The following ZNF805 variants were observed in gnomAD, a reference collection of about 807,000 sequenced individuals.
ZNF805 encodes the protein zinc finger protein 805.
A neutral mutation model predicts 13.6 loss-of-function variants in ZNF805; 7 were observed. The observed-to-expected ratio is 0.51, with a 90% CI of 0.29 to 0.97. The LOEUF (loss-of-function observed/expected upper bound fraction) is 0.97, where lower values mean the gene tolerates loss of function less well. Among genes scored for constraint, ZNF805 ranks in the 50% least tolerant of loss-of-function variants. The pLI is 0.08. For missense variants in ZNF805, 604 were observed against 771.0 expected, an observed-to-expected ratio of 0.78 and a Z score of 2.57; for synonymous variants, 293 against 279.8, an observed-to-expected ratio of 1.05 and a Z score of -0.47.
intron 3 of ZNF805, among the ~76,000 whole-genome samples, chr19:57,249,219 A>C (rs1041283190): frequency 3.9e-5 from 6 of 152,074 alleles, no homozygotes; most frequent in African/African-American, 1.4e-4. Flanking sequence ...AAGGAAAGTC[A>C]TACCCACTTC....
intron 2 of ZNF805, among the ~76,000 whole-genome samples, chr19:57,245,527 C>T (rs941094550): frequency 6.6e-6 from 1 of 151,888 alleles, no homozygotes; most frequent in Non-Finnish European, 1.5e-5. Flanking sequence ...TGCCTGTAAT[C>T]CCAGCACTTT....
At chr19:57,251,630 TTA>T (rs2122839684) in intron 3 of ZNF805, among the ~76,000 whole-genome samples, 1 of 112,962 alleles carries the variant, frequency 8.9e-6, no homozygotes, top group East Asian at 2.0e-4. Flanking sequence ...GTAGTCTGAT[TTA>T]TGTTTTTTTT....
rs2087681789 is a variant in ZNF805, at chr19:57,255,386, T to C, written c.*683T>C. On this transcript the variant is annotated 3_prime_UTR_variant, in exon 4 of 4. Coordinates refer to ENST00000414468, the MANE Select transcript of ZNF805 (RefSeq NM_001023563.4). Reference sequence around the variant, plus strand: ...ATACACTTTAGGATTGGTTTTTCTGTTTTTCAAATATTCTTGCTTGGATTT... The same window carrying C: ...ATACACTTTAGGATTGGTTTTTCTGCTTTTCAAATATTCTTGCTTGGATTT... Among the ~76,000 whole-genome samples the C allele has an allele frequency of 6.6e-6, 1 of 152,160 alleles. No homozygotes were observed. Among genetic ancestry groups the C allele is most frequent in the African/African-American group, 2.4e-5 (1 of 41,458 alleles).
intron 3 of ZNF805, among the ~76,000 whole-genome samples, chr19:57,250,834 G>A (rs1369421877): frequency 1.3e-5 from 2 of 152,200 alleles, no homozygotes; most frequent in Non-Finnish European, 2.9e-5. Context: ...CCTGGTGGAA[G>A]AGGTCTTACC....
intron 3 of ZNF805, among the ~76,000 whole-genome samples, 188 bp from the exon 4 acceptor site, chr19:57,252,885 C>T (rs1340787504): frequency 1.3e-5 from 2 of 152,168 alleles, no homozygotes; most frequent in African/African-American, 4.8e-5. Flanking sequence ...TGCCTGGTCT[C>T]CCTTTCAAGG....
In ZNF805 at chr19:57,254,641, G is replaced by A. The variant is rs762529778; in HGVS notation, c.1822G>A (p.Ala608Thr). 1.2e-6 allele frequency: 2 copies of A among 1,614,096 alleles called. No homozygotes were observed. The highest frequency in any genetic ancestry group is 1.7e-6 in the Non-Finnish European group (2 of 1,179,980). Residue 608 changes from alanine to threonine, a missense_variant, in exon 4 of 4, where the codon GCA (alanine) becomes ACA (threonine). This residue lies in a region of ZNF805 where 49 missense variants were observed against 40.0 expected (regional missense o/e 1.23). Coordinates refer to ENST00000414468, the MANE Select transcript of ZNF805 (RefSeq NM_001023563.4). Reference sequence around the variant, plus strand: ...TGAGGAAAATCTTTTGCAAGAGGAAGCATCTTACATGGCATCTGATCGTAC... The same window carrying A: ...TGAGGAAAATCTTTTGCAAGAGGAAACATCTTACATGGCATCTGATCGTAC... Reference protein sequence around the residue: ...TTEENLLQEEASYMASDRTYQ... With the variant: ...TTEENLLQEETSYMASDRTYQ...
In ZNF805 at chr19:57,240,703, G is replaced by A; in HGVS notation, c.-189G>A. The A allele has an allele frequency of 1.9e-6, 1 of 523,540 alleles. No individual in the cohort carries two copies. Among genetic ancestry groups the A allele is most frequent in the Non-Finnish European group, 3.4e-6 (1 of 296,834 alleles). The allele number at this position is 523,540 out of a possible 1,614,324, so 32.4% of individuals were successfully genotyped here. The stretch of plus-strand genomic sequence containing the variant: ...GCCTCCCTGGCGGCGCTGGGGAAAT[G>A]AGCAGGTAGGAGGCCGACAGCGACC... On this transcript the variant is annotated 5_prime_UTR_variant, in exon 1 of 4. The change abolishes an upstream ATG in the 5' untranslated region. Coordinates refer to ENST00000414468, the MANE Select transcript of ZNF805 (RefSeq NM_001023563.4).
At chr19:57,246,729 T>C (rs148134940) in intron 2 of ZNF805, among the ~76,000 whole-genome samples, 1 of 146,820 alleles carries the variant, frequency 6.8e-6, no homozygotes, top group Non-Finnish European at 1.5e-5. Flanking sequence ...TGAGCTGAGA[T>C]CGCGCTACTG....
chr19:57,244,797 T>C (rs984432965), intron 2 of ZNF805, among the ~76,000 whole-genome samples: 6 of 152,212 alleles, frequency 3.9e-5, no homozygotes, highest in Admixed American at 3.9e-4. Flanking sequence ...CCCCAGGTTT[T>C]ACTGTTTGTG....
In ZNF805 at chr19:57,240,656, G is replaced by T. The variant is rs1337878957; in HGVS notation, c.-236G>T. The T allele has an allele frequency of 2.0e-6, 1 of 509,230 alleles. No individual in the cohort carries two copies. Among genetic ancestry groups the T allele is most frequent in the Non-Finnish European group, 3.5e-6 (1 of 285,968 alleles). The allele number at this position is 509,230 out of a possible 1,614,324, so 31.5% of individuals were successfully genotyped here. A position where few individuals can be genotyped will look rare whatever the true frequency, so the allele number is the denominator to read the frequency against. On this transcript the variant is annotated 5_prime_UTR_variant, in exon 1 of 4. Coordinates refer to ENST00000414468, the MANE Select transcript of ZNF805 (RefSeq NM_001023563.4). Reference sequence around the variant, plus strand: ...CGGTTCCGTCCACGCCGGCTCTAGGGAGGGGGCGGTGTTCCGTGGCCGCCT... The same window carrying T: ...CGGTTCCGTCCACGCCGGCTCTAGGTAGGGGGCGGTGTTCCGTGGCCGCCT...
chr19:57,242,700 C>G (rs2087587014), intron 1 of ZNF805, among the ~76,000 whole-genome samples: 1 of 152,304 alleles, frequency 6.6e-6, no homozygotes, highest in Non-Finnish European at 1.5e-5. Context: ...CCTCGTCAGG[C>G]ATTTGGTACT....
chr19:57,254,571 C>T lies in ZNF805; in HGVS notation c.1752C>T (p.Asn584=). The change falls in exon 4 of 4, where the codon AAC becomes AAT. Residue 584 remains asparagine (N), a synonymous_variant. Coordinates refer to ENST00000414468, the MANE Select transcript of ZNF805 (RefSeq NM_001023563.4). ...TTACAAGTGGGCAGACCTCAGTCAA[C>T]ATCCAAGAACTTTTATTGGGGAAAA... ...RPFTSGQTSV[N]IQELLLGKNF... is the part of the protein sequence containing the mutation. 1 of 1,614,176 alleles carries T rather than the reference C, an allele frequency of 6.2e-7. No individual in the cohort carries two copies. Among genetic ancestry groups the T allele is most frequent in the African/African-American group, 1.3e-5 (1 of 75,048 alleles).
At position 57,262,395 on chromosome 19, in the gene ZNF805, T is replaced by A. The variant is rs2087730360; in HGVS notation, c.*7692T>A. The A allele has an allele frequency of 6.1e-6, 1 of 165,082 alleles. No homozygotes were observed. The highest frequency in any genetic ancestry group is 6.6e-5 in the Admixed American group (1 of 15,088). The allele number at this position is 165,082 out of a possible 1,614,324, so 10.2% of individuals were successfully genotyped here. A position where few individuals can be genotyped will look rare whatever the true frequency, so the allele number is the denominator to read the frequency against. Reference sequence around the variant, plus strand: ...GTCACAGTGAAAATACTTAACAAACTAGCCAGGATTTAATTCAGTGATGAC... The same window carrying A: ...GTCACAGTGAAAATACTTAACAAACAAGCCAGGATTTAATTCAGTGATGAC... On this transcript the variant is annotated 3_prime_UTR_variant, in exon 4 of 4. Coordinates refer to ENST00000414468, the MANE Select transcript of ZNF805 (RefSeq NM_001023563.4).
In ZNF805 at chr19:57,259,402, A is replaced by C. The variant is rs1220971385; in HGVS notation, c.*4699A>C. Among the ~76,000 whole-genome samples the C allele has an allele frequency of 6.7e-6, 1 of 149,996 alleles. No homozygotes were observed. The highest frequency in any genetic ancestry group is 6.6e-5 in the Admixed American group (1 of 15,130). ...CTGTTGACTTTTTTTCAGCTCACTG[A>C]TTCTTTTTTTCTGCCATATGCAGTC... On this transcript the variant is annotated 3_prime_UTR_variant, in exon 4 of 4. Coordinates refer to ENST00000414468, the MANE Select transcript of ZNF805 (RefSeq NM_001023563.4).
rs1014543095 is a variant in ZNF805, at chr19:57,257,851, C to T, written c.*3148C>T. Among the ~76,000 whole-genome samples, 1 of 151,484 alleles carries T rather than the reference C, an allele frequency of 6.6e-6. No individual in the cohort carries two copies. The highest frequency in any genetic ancestry group is 2.4e-5 in the African/African-American group (1 of 41,238). ...GCTCTTGAGTAGCTGGGATTACAGGCATCCGCCACCATGCCTGACTGATTT... is the reference window on the plus strand; with the variant it reads ...GCTCTTGAGTAGCTGGGATTACAGGTATCCGCCACCATGCCTGACTGATTT... On this transcript the variant is annotated 3_prime_UTR_variant, in exon 4 of 4. Transcript: ENST00000414468.
At chr19:57,242,830 G>A (rs187540109) in intron 1 of ZNF805, among the ~76,000 whole-genome samples, 7 of 152,312 alleles carry the variant, frequency 4.6e-5, no homozygotes, top group East Asian at 1.9e-4. Flanking sequence ...GTAGATTCAC[G>A]TGGGTGGTGG....
chr19:57,244,172 G>GTCATTT, intron 2 of ZNF805, 123 bp downstream of exon 2: 1 of 893,182 alleles, frequency 1.1e-6, no homozygotes, highest in East Asian at 3.5e-5. Context: ...CACAAATTCA[G>GTCATTT]TCATTTTCTA....
chr19:57,242,411 A>AT (rs2087585226), intron 1 of ZNF805, among the ~76,000 whole-genome samples: 1 of 152,236 alleles, frequency 6.6e-6, no homozygotes, highest in South Asian at 2.1e-4. Flanking sequence ...GGTTCCCCCC[A>AT]TCCCCACCTG....
In ZNF805 at chr19:57,260,926, G is replaced by A. The variant is rs766042826; in HGVS notation, c.*6223G>A. Among the ~76,000 whole-genome samples the A allele has an allele frequency of 1.3e-5, 2 of 152,140 alleles. No individual in the cohort carries two copies. Among genetic ancestry groups the A allele is most frequent in the African/African-American group, 4.8e-5 (2 of 41,414 alleles). On this transcript the variant is annotated 3_prime_UTR_variant, in exon 4 of 4. Coordinates refer to ENST00000414468, the MANE Select transcript of ZNF805 (RefSeq NM_001023563.4). The stretch of plus-strand genomic sequence containing the variant: ...ACATTGTTTCGAATGTTTTACATGC[G>A]TCAGCTCTTTTAACCTTTATGACAA...
Sources: allele counts gnomAD v4.1 joint callset (sites outside exome capture counted in the v4.1 genomes callset), GRCh38; gene constraint gnomAD v4.1.1; regional missense constraint gnomAD v4.1.1; transcripts MANE v1.5; gene names NCBI Gene and HGNC (gene_info 2026-07-23, HGNC 2026-07-21).